LZTFL1: variants seen among roughly 807,000 people sequenced by gnomAD.
The protein encoded by LZTFL1 is leucine zipper transcription factor-like protein 1.
LZTFL1 carries 25 observed loss-of-function variants against 45.9 expected under a neutral mutation model. That is an observed-to-expected ratio of 0.54 (90% confidence interval 0.40 to 0.76). The LOEUF (loss-of-function observed/expected upper bound fraction) is 0.76. LZTFL1 is among the 30% of genes least tolerant of loss of function. The pLI, the probability that LZTFL1 is intolerant of heterozygous loss-of-function variation, is 0.00. For synonymous variants in LZTFL1, 93 were observed against 117.4 expected, an observed-to-expected ratio of 0.79 and a Z score of 1.35; for missense variants, 277 against 331.1, an observed-to-expected ratio of 0.84 and a Z score of 1.27.
intron 2 of LZTFL1, chr3:45,903,323 T>C (rs1358795530): frequency 6.5e-6 from 1 of 154,570 alleles, no homozygotes; most frequent in Non-Finnish European, 1.5e-5. Flanking sequence ...GAGTAAGCAA[T>C]AGGGATAAGG....
At position 45,842,082 on chromosome 3, in the gene LZTFL1, G is replaced by C; in HGVS notation, c.-91C>G. ...GATCGCCGAGGGTAGTTGGACCACA[G>C]AAAATGGGGAAGGAGGGTAGGTTGT... On this transcript the variant is annotated 5_prime_UTR_variant, in exon 1 of 10. Coordinates refer to ENST00000296135, the MANE Select transcript of LZTFL1 (RefSeq NM_020347.4). 1 of 1,577,190 alleles carries C rather than the reference G, an allele frequency of 6.3e-7. No homozygotes were observed. The highest frequency in any genetic ancestry group is 8.6e-7 in the Non-Finnish European group (1 of 1,164,264).
intron 2 of LZTFL1, chr3:45,902,151 T>G: frequency 2.5e-6 from 1 of 392,844 alleles, no homozygotes; most frequent in Non-Finnish European, 4.7e-6. Flanking sequence ...GGACCGGCAC[T>G]GTGGAGCACC....
chr3:45,879,101 G>T (rs1370043043), intron 2 of LZTFL1, among the ~76,000 whole-genome samples: 1 of 152,206 alleles, frequency 6.6e-6, no homozygotes, highest in African/African-American at 2.4e-5. Flanking sequence ...CAGTTTGGCA[G>T]CTTCTTACAA....
At chr3:45,890,347 T>TTTATATAA (rs1559421639) in intron 2 of LZTFL1, among the ~76,000 whole-genome samples, 1 of 24,530 alleles carries the variant, frequency 4.1e-5, no homozygotes, top group African/African-American at 4.3e-4. Flanking sequence ...CATATATATA[T>TTTATATAA]AACATATATA....
At chr3:45,832,957 G>A in intron 5 of LZTFL1, 93 bp downstream of exon 5, 5 of 898,862 alleles carry the variant, frequency 5.6e-6, no homozygotes, top group Non-Finnish European at 9.0e-6. Flanking sequence ...ATCCTCAGAG[G>A]ACCTGAAACA....
chr3:45,828,695 TAGG>T lies in LZTFL1; in HGVS notation c.601-83_601-81del. 3 of 1,217,720 alleles carry T rather than the reference TAGG, an allele frequency of 2.5e-6. No homozygotes were observed. In the South Asian group the frequency reaches 4.2e-5, roughly 17 times the overall value. The allele number at this position is 1,217,720 out of a possible 1,614,324, so 75.4% of individuals were successfully genotyped here. ...GTTTTAGAATGGTGATTCAACATCA[TAGG>T]AGATGAAAAAAATGATGTATGTTTT... On this transcript the variant is annotated intron_variant, in intron 7 of 9. Transcript: ENST00000296135.
At chr3:45,827,875 A>AT (rs201145098) in intron 8 of LZTFL1, among the ~76,000 whole-genome samples, 7,709 of 151,838 alleles carry the variant, frequency 0.051, 282 homozygotes, top group Middle Eastern at 0.13. Context: ...AAAATTTTTA[A>AT]TTTTTTTATA....
At chr3:45,831,295 G>C (rs965557887) in intron 5 of LZTFL1, among the ~76,000 whole-genome samples, 157 bp from the exon 6 acceptor site, 29 of 152,114 alleles carry the variant, frequency 1.9e-4, no homozygotes, top group African/African-American at 7.0e-4. Context: ...ATTTCATCCA[G>C]CCTATCAGCC....
chr3:45,848,185 A>G (rs1348311745), intron 4 of LZTFL1, among the ~76,000 whole-genome samples: 1 of 152,224 alleles, frequency 6.6e-6, no homozygotes, highest in Non-Finnish European at 1.5e-5. Flanking sequence ...TGCATTTTTA[A>G]TACAAGATAA....
At chr3:45,855,456 A>G (rs533290826) in intron 3 of LZTFL1, among the ~76,000 whole-genome samples, 2 of 152,256 alleles carry the variant, frequency 1.3e-5, no homozygotes, top group Admixed American at 1.3e-4. Flanking sequence ...AGCCAGTATC[A>G]TACTGAATGG....
At chr3:45,877,751 T>A (rs2125722652) in intron 2 of LZTFL1, among the ~76,000 whole-genome samples, 1 of 151,280 alleles carries the variant, frequency 6.6e-6, no homozygotes, top group African/African-American at 2.4e-5. Context: ...GTTTTTTTTT[T>A]TTTTTTTCCT....
chr3:45,901,149 G>T lies in LZTFL1; in HGVS notation c.-215+11971C>A. The stretch of plus-strand genomic sequence containing the variant: ...GAAGTTCCAGACCTTCATGTGCAAG[G>T]TGGTCAACAGCATGTACAAGATGAA... On this transcript the variant is annotated intron_variant, in intron 2 of 4. Coordinates refer to the LZTFL1 transcript ENST00000472635. This position sits in a 1 kb window ranked among gnomAD's most constrained non-coding sequence, Gnocchi z 4.3. 6.2e-7 allele frequency: 1 copy of T among 1,614,158 alleles called. No homozygotes were observed. Among genetic ancestry groups the T allele is most frequent in the Non-Finnish European group, 8.5e-7 (1 of 1,180,020 alleles).
chr3:45,880,370 T>C (rs1263479651), intron 2 of LZTFL1, among the ~76,000 whole-genome samples: 2 of 151,990 alleles, frequency 1.3e-5, no homozygotes, highest in Non-Finnish European at 2.9e-5. Flanking sequence ...GGCGTGGTGA[T>C]GGGCACCTGT....
At chr3:45,838,097 T>C (rs758090973) in intron 1 of LZTFL1, 46 bp from the exon 2 acceptor site, 2 of 1,547,824 alleles carry the variant, frequency 1.3e-6, no homozygotes, top group East Asian at 2.3e-5. Context: ...GAAGATCTGA[T>C]CAAAGAGCCA....
intron 2 of LZTFL1, among the ~76,000 whole-genome samples, chr3:45,870,398 GGTGGTAGCACA>G (rs1701653317): frequency 6.6e-6 from 1 of 152,202 alleles, no homozygotes; most frequent in African/African-American, 2.4e-5. Context: ...GACATCCTGA[GGTGGTAGCACA>G]GTGTGGCATA....
intron 2 of LZTFL1, among the ~76,000 whole-genome samples, chr3:45,897,975 CAAAA>C (rs72284250): frequency 4.7e-5 from 5 of 105,988 alleles, no homozygotes; most frequent in Middle Eastern, 4.2e-3. Flanking sequence ...GCTATTTGAC[CAAAA>C]AAAAAAAAAA....
intron 2 of LZTFL1, among the ~76,000 whole-genome samples, chr3:45,867,881 G>A (rs1701603023): frequency 6.6e-6 from 1 of 151,998 alleles, no homozygotes. Context: ...ACCTATATTA[G>A]CCAAAGATAA....
chr3:45,835,462 T>C (rs1700940946), intron 3 of LZTFL1, 128 bp downstream of exon 3: 3 of 769,936 alleles, frequency 3.9e-6, no homozygotes, highest in Non-Finnish European at 6.5e-6. Context: ...ACTCAATGCT[T>C]TGCTGTTACC....
At chr3:45,861,013 A>C (rs1701479661) in intron 2 of LZTFL1, among the ~76,000 whole-genome samples, 1 of 151,976 alleles carries the variant, frequency 6.6e-6, no homozygotes, top group Non-Finnish European at 1.5e-5. Flanking sequence ...TTATTTTTAG[A>C]GAGAAGATAA....
Sources: allele counts gnomAD v4.1 joint callset (sites outside exome capture counted in the v4.1 genomes callset), GRCh38; gene constraint gnomAD v4.1.1; non-coding constraint Gnocchi (gnomAD v3.1); transcripts MANE v1.5; gene names NCBI Gene and HGNC (gene_info 2026-07-23, HGNC 2026-07-21).